The following MACROD2 variants were observed in gnomAD, a reference collection of about 807,000 sequenced individuals.
MACROD2 encodes ADP-ribose glycohydrolase MACROD2.
A neutral mutation model predicts 70.4 loss-of-function variants in MACROD2; 36 were observed. The observed-to-expected ratio is 0.51, with a 90% confidence interval of 0.39 to 0.68. The LOEUF (loss-of-function observed/expected upper bound fraction) is 0.68. Among genes scored for constraint, MACROD2 ranks in the 30% least tolerant of loss-of-function variants. The pLI is 0.00. For synonymous variants in MACROD2, 172 were observed against 178.8 expected, an observed-to-expected ratio of 0.96 and a Z score of 0.30; for missense variants, 496 against 538.4, an observed-to-expected ratio of 0.92 and a Z score of 0.78.
intron 8 of MACROD2, among the ~76,000 whole-genome samples, chr20:15,557,134 C>T (rs1236025267): frequency 6.6e-6 from 1 of 151,940 alleles, no homozygotes; most frequent in East Asian, 1.9e-4. Context: ...CAGTAAAATT[C>T]ACTTCTCTGC....
intron 8 of MACROD2, among the ~76,000 whole-genome samples, chr20:15,750,577 A>C (rs2051254056): frequency 6.6e-6 from 1 of 151,976 alleles, no homozygotes; most frequent in Admixed American, 6.6e-5. Context: ...AAAAATATAG[A>C]AATACAATAT....
chr20:14,451,798 TG>T (rs1431035466), intron 3 of MACROD2, among the ~76,000 whole-genome samples: 1 of 152,156 alleles, frequency 6.6e-6, no homozygotes. Flanking sequence ...GTCCAGTGTC[TG>T]CTAAGTGACC....
intron 2 of MACROD2, among the ~76,000 whole-genome samples, chr20:14,027,321 GT>G (rs1398060630): frequency 6.6e-6 from 1 of 151,960 alleles, no homozygotes; most frequent in African/African-American, 2.4e-5. Context: ...GGTCATTTCT[GT>G]TTTTCTCTAA....
chr20:15,398,110 A>T (rs183187291), intron 6 of MACROD2, among the ~76,000 whole-genome samples: 99 of 152,322 alleles, frequency 6.5e-4, no homozygotes, highest in African/African-American at 2.4e-3. Flanking sequence ...AGTAAAAATC[A>T]GGTGACTTTG....
chr20:15,219,860 C>CCTAT (rs1293049805), intron 5 of MACROD2, among the ~76,000 whole-genome samples: 1 of 151,502 alleles, frequency 6.6e-6, no homozygotes, highest in Non-Finnish European at 1.5e-5. Context: ...AGAGCCAAAA[C>CCTAT]CTATCTCTAA....
chr20:15,426,202 A>T (rs1253864805), intron 6 of MACROD2, among the ~76,000 whole-genome samples: 7 of 78,144 alleles, frequency 9.0e-5, no homozygotes, highest in East Asian at 4.4e-4. Context: ...AATGATCAAT[A>T]AAAAAAAAAA....
intron 5 of MACROD2, chr20:14,895,557 C>G (rs1332669065): frequency 6.6e-6 from 1 of 151,998 alleles, no homozygotes; most frequent in Non-Finnish European, 1.5e-5. Flanking sequence ...TATCATAATG[C>G]TAAATAAAAA....
At chr20:14,190,488 G>T (rs932374790) in intron 3 of MACROD2, among the ~76,000 whole-genome samples, 2 of 151,086 alleles carry the variant, frequency 1.3e-5, no homozygotes, top group Non-Finnish European at 2.9e-5. Context: ...TGTGTATGAA[G>T]TCTTCACTCC....
intron 15 of MACROD2, among the ~76,000 whole-genome samples, chr20:15,995,637 A>G (rs1240414395): frequency 1.1e-5 from 1 of 93,128 alleles, no homozygotes; most frequent in Admixed American, 1.1e-4. Context: ...GGCATGAGCC[A>G]CTATGCCCGG....
intron 10 of MACROD2, among the ~76,000 whole-genome samples, chr20:15,928,757 C>T (rs1043558663): frequency 6.6e-6 from 1 of 152,146 alleles, no homozygotes; most frequent in Non-Finnish European, 1.5e-5. Flanking sequence ...TCATAGAGCT[C>T]TATAGTTAAA....
At chr20:14,876,290 T>C (rs1036731874) in intron 5 of MACROD2, among the ~76,000 whole-genome samples, 1 of 152,142 alleles carries the variant, frequency 6.6e-6, no homozygotes, top group Non-Finnish European at 1.5e-5. Context: ...TGTCTGTTCA[T>C]GTCCTCGTTT....
chr20:14,096,617 TC>T (rs2054230452), intron 3 of MACROD2, among the ~76,000 whole-genome samples: 2 of 152,196 alleles, frequency 1.3e-5, no homozygotes, highest in East Asian at 3.9e-4. Context: ...GATCTGCCCA[TC>T]CGGCCTCCAA....
rs1418499283 is a variant in MACROD2 at position 15,233,967 on chromosome 20, TTTTATATATATTTATTTATA to T, written c.540+3908_540+3927del. On this transcript the variant is annotated intron_variant, in intron 6 of 17. Coordinates refer to ENST00000684519, the MANE Select transcript of MACROD2 (RefSeq NM_001351661.2). ...TTACCCTTGGATCCAAAAAATTTAT[TTTTATATATATTTATTTATA>T]TATATATATATATATATATATATTC... 4.7e-4 allele frequency among the ~76,000 whole-genome samples: 23 copies of T among 48,590 alleles called. 1 individual carries two copies. The highest frequency in any genetic ancestry group is 8.4e-4 in the African/African-American group (10 of 11,906). The allele number at this position is 48,590 out of a possible 152,430, so 31.9% of individuals were successfully genotyped here. A position where few individuals can be genotyped will look rare whatever the true frequency, so the allele number is the denominator to read the frequency against.
chr20:14,248,486 G>A (rs2081985214), intron 3 of MACROD2, among the ~76,000 whole-genome samples: 2 of 152,274 alleles, frequency 1.3e-5, no homozygotes, highest in South Asian at 4.2e-4. Context: ...TGGAGGCGGA[G>A]GCAGGAGAAT....
chr20:14,111,444 T>C (rs1380081698), intron 3 of MACROD2, among the ~76,000 whole-genome samples: 1 of 151,996 alleles, frequency 6.6e-6, no homozygotes, highest in Non-Finnish European at 1.5e-5. Context: ...GGTGAAGATA[T>C]TTGCAAACTA....
intron 8 of MACROD2, among the ~76,000 whole-genome samples, chr20:15,690,595 A>G (rs2050287499): frequency 6.6e-6 from 1 of 152,256 alleles, no homozygotes; most frequent in Non-Finnish European, 1.5e-5. Context: ...CCATGGGCTG[A>G]ATAAAAGCAC....
intron 8 of MACROD2, among the ~76,000 whole-genome samples, chr20:15,841,360 T>C (rs183948827): frequency 6.6e-6 from 1 of 152,166 alleles, no homozygotes; most frequent in South Asian, 2.1e-4. Context: ...TACCTGAGAC[T>C]GGGTAATTTA....
rs116898639 is a variant in MACROD2 at position 15,305,187 on chromosome 20, T to A, written c.540+75126T>A. Among the ~76,000 whole-genome samples, 299 of 152,286 alleles carry A rather than the reference T, an allele frequency of 2.0e-3. 6 individuals carry two copies. In the East Asian group the frequency reaches 0.023, roughly 12 times the overall value. Reference sequence around the variant, plus strand: ...GCCTCGTGTTCTCATCTGTTCATACTTTATAATTACACAACTTTAGTTTAT... The same window carrying A: ...GCCTCGTGTTCTCATCTGTTCATACATTATAATTACACAACTTTAGTTTAT... On this transcript the variant is annotated intron_variant, in intron 6 of 17. Coordinates refer to ENST00000684519, the MANE Select transcript of MACROD2 (RefSeq NM_001351661.2).
At chr20:14,196,698 G>A (rs891788405) in intron 3 of MACROD2, among the ~76,000 whole-genome samples, 1 of 152,176 alleles carries the variant, frequency 6.6e-6, no homozygotes, top group African/African-American at 2.4e-5. Flanking sequence ...TTGGAAATAC[G>A]GCTCACATGC....
Sources: gnomAD v4.1 joint callset for allele counts (sites outside exome capture counted in the v4.1 genomes callset) on GRCh38, gnomAD v4.1.1 for gene constraint, MANE v1.5 for transcripts, NCBI Gene and HGNC (gene_info 2026-07-23, HGNC 2026-07-21) for gene names.